Variants in SARDH observed in about 807,000 individuals in gnomAD.
SARDH encodes sarcosine dehydrogenase.
A neutral mutation model predicts 109.1 loss-of-function variants in SARDH; 95 were observed. That is an observed-to-expected ratio of 0.87 (90% CI 0.74 to 1.03). SARDH has a LOEUF of 1.03. Among genes scored for constraint, SARDH ranks in the 50% least tolerant of loss-of-function variants. The pLI is 0.00. For synonymous variants in SARDH, 572 were observed against 534.8 expected (o/e 1.07, Z -0.96); for missense variants, 1,267 against 1,287.8 (o/e 0.98, Z 0.25).
Position 133,663,805 on chromosome 9 carries a change from G to A in SARDH, c.*84C>T, listed in dbSNP as rs1189154771. The A allele has an allele frequency of 6.4e-7, 1 of 1,563,074 alleles. No individual in the cohort carries two copies. ...GACAGGGAGGGCACAAGTTCTGGCT[G>A]GGTCCAGGGTCCTGGGACCCAGGGC... On this transcript the variant is annotated 3_prime_UTR_variant, in exon 21 of 21. Coordinates refer to ENST00000439388, the MANE Select transcript of SARDH (RefSeq NM_001134707.2).
chr9:133,676,966 C>A lies in SARDH; in HGVS notation c.2164-5269G>T, dbSNP rs543083297. On this transcript the variant is annotated intron_variant, in intron 17 of 20. Coordinates refer to ENST00000439388, the MANE Select transcript of SARDH (RefSeq NM_001134707.2). Reference sequence around the variant, plus strand: ...CCAGCCTGGCCAACACAGCGAAACCCCATCTCTACTAAAAATACAAAAATT... The same window carrying A: ...CCAGCCTGGCCAACACAGCGAAACCACATCTCTACTAAAAATACAAAAATT... Among the ~76,000 whole-genome samples, 40 of 152,296 alleles carry A rather than the reference C, an allele frequency of 2.6e-4. No individual in the cohort carries two copies. The South Asian group carries it at 7.5e-3, about 28-fold the overall frequency.
chr9:133,728,490 T>A lies in SARDH; in HGVS notation c.915+1275A>T, dbSNP rs1474568452. Among the ~76,000 whole-genome samples the A allele has an allele frequency of 6.6e-6, 1 of 152,172 alleles. No individual in the cohort carries two copies. The highest frequency in any genetic ancestry group is 2.4e-5 in the African/African-American group (1 of 41,430). On this transcript the variant is annotated intron_variant, in intron 6 of 20. Coordinates refer to ENST00000439388, the MANE Select transcript of SARDH (RefSeq NM_001134707.2). The surrounding 1 kb of genome is among the most constrained non-coding windows in gnomAD (Gnocchi z 5.0). ...TGGCTCTCTGAACGGCCATGCTCTG[T>A]GCACGCTCCTTGTCCACCATGCCAC...
Position 133,704,948 on chromosome 9 carries a change from C to CGG in SARDH, c.1552_1553dup (p.Val519ArgfsTer104), listed in dbSNP as rs1564272982. ...GCACAGCCCAGCAGGCACTACTCAC[C>CGG]GGAGCTGGGCCTCGGGGATGAAACC... On this transcript the variant is annotated frameshift_variant and splice_region_variant, in exon 12 of 21. Transcript: ENST00000439388. LOFTEE classifies it high-confidence loss of function. This position sits in a 1 kb window ranked among gnomAD's most constrained non-coding sequence, Gnocchi z 4.5. The CGG allele has an allele frequency of 6.4e-7, 1 of 1,573,584 alleles. No homozygotes were observed. The highest frequency in any genetic ancestry group is 8.6e-7 in the Non-Finnish European group (1 of 1,159,924).
intron 4 of SARDH, among the ~76,000 whole-genome samples, 194 bp from the exon 5 acceptor site, chr9:133,730,381 T>C (rs1832635309): frequency 6.6e-6 from 1 of 151,742 alleles, no homozygotes; most frequent in South Asian, 2.1e-4. Flanking sequence ...TGCCTTGACT[T>C]GGAGAACTTG....
intron 19 of SARDH, among the ~76,000 whole-genome samples, chr9:133,669,885 T>C (rs1003872830): frequency 1.3e-5 from 2 of 152,228 alleles, no homozygotes; most frequent in African/African-American, 4.8e-5. Flanking sequence ...CCCAAGGCCC[T>C]CGGCCTAGAC....
intron 11 of SARDH, among the ~76,000 whole-genome samples, 172 bp downstream of exon 11, chr9:133,708,115 G>A (rs958251139): frequency 5.3e-5 from 8 of 152,120 alleles, no homozygotes; most frequent in African/African-American, 1.9e-4. Context: ...TTGGCCCTGA[G>A]CACTGTGCCC....
rs1169737769 is a variant in SARDH, at chr9:133,668,373, T to G, written c.2496-1503A>C. Among the ~76,000 whole-genome samples, 386 of 63,852 alleles carry G rather than the reference T, an allele frequency of 6.0e-3. 7 individuals are homozygous for G. The highest frequency in any genetic ancestry group is 0.021 in the Middle Eastern group (2 of 94). The allele number at this position is 63,852 out of a possible 152,430, so 41.9% of individuals were successfully genotyped here. On this transcript the variant is annotated intron_variant, in intron 19 of 20. Transcript: ENST00000439388. ...TCACCCTCCCTCTCCCTCACCCTCA[T>G]TCTCCCTCAGCCTCCCTCTCCCTCT...
In SARDH at chr9:133,686,292, G is replaced by A. The variant is rs1332024886; in HGVS notation, c.2070-1006C>T. Among the ~76,000 whole-genome samples, 3 of 152,016 alleles carry A rather than the reference G, an allele frequency of 2.0e-5. No individual in the cohort carries two copies. The highest frequency in any genetic ancestry group is 2.9e-5 in the Non-Finnish European group (2 of 67,982). On this transcript the variant is annotated intron_variant, in intron 16 of 20. Coordinates refer to ENST00000439388, the MANE Select transcript of SARDH (RefSeq NM_001134707.2). The surrounding 1 kb of genome is among the most constrained non-coding windows in gnomAD (Gnocchi z 4.0). ...GCCAACACCCATGGTCTCCCAGGAA[G>A]CCCTCACCTCCTGGGCACCGTGCCC...
At chr9:133,729,711 C>T (rs1376972354) in intron 6 of SARDH, 54 bp downstream of exon 6, 7 of 1,506,202 alleles carry the variant, frequency 4.6e-6, no homozygotes, top group South Asian at 2.3e-5. Context: ...GGATTCAGAG[C>T]CAGGTCTCTG....
At chr9:133,669,964 G>A (rs1333267739) in intron 19 of SARDH, among the ~76,000 whole-genome samples, 3 of 152,196 alleles carry the variant, frequency 2.0e-5, no homozygotes, top group African/African-American at 7.2e-5. Context: ...GAAGAGTGTG[G>A]AGCCTTCTCT....
rs150391909 is a variant in SARDH, at chr9:133,688,546, C to T, written c.2069+1834G>A. 1.2e-3 allele frequency among the ~76,000 whole-genome samples: 188 copies of T among 152,270 alleles called. 1 individual carries two copies. In the East Asian group the frequency reaches 0.032, roughly 26 times the overall value. On this transcript the variant is annotated intron_variant, in intron 16 of 20. Transcript: ENST00000439388. ...GCTGACCCAACAGCAGAGACCCCCC[C>T]ACCAAAGCCCAAGCCCGACCATGTT...
At chr9:133,679,821 T>C (rs129956) in intron 17 of SARDH, among the ~76,000 whole-genome samples, 25,064 of 152,190 alleles carry the variant, frequency 0.16, 4,227 homozygotes, top group African/African-American at 0.43. Context: ...CGTCTGGTGG[T>C]GAGGAGGGTC....
At chr9:133,660,312 A>C (rs1235156117), downstream of SARDH, among the ~76,000 whole-genome samples, 1 of 151,774 alleles carries the variant, frequency 6.6e-6, no homozygotes, top group Non-Finnish European at 1.5e-5. Context: ...CAGAGACCTA[A>C]AGTTAGGTGC....
At chr9:133,725,542 G>A in intron 6 of SARDH, 1 of 438,640 alleles carries the variant, frequency 2.3e-6, no homozygotes, top group Non-Finnish European at 4.6e-6. Context: ...CGGGTGTGGT[G>A]ACGGGCACAT....
At chr9:133,670,523 C>G in intron 19 of SARDH, 61 bp downstream of exon 19, 1 of 1,518,050 alleles carries the variant, frequency 6.6e-7, no homozygotes. Context: ...CCAAGAAGCG[C>G]CTGCCTGCCC....
At chr9:133,697,343 CCAAA>C (rs1156667126) in intron 13 of SARDH, among the ~76,000 whole-genome samples, 35 of 152,202 alleles carry the variant, frequency 2.3e-4, no homozygotes, top group African/African-American at 8.2e-4. Flanking sequence ...ATGAATTTTA[CCAAA>C]CAGTCAAAGA....
At chr9:133,671,018 C>T (rs2131332876) in intron 18 of SARDH, among the ~76,000 whole-genome samples, 1 of 152,268 alleles carries the variant, frequency 6.6e-6, no homozygotes, top group African/African-American at 2.4e-5. Flanking sequence ...GAAGGGGGAG[C>T]TTCCCAATGC....
At position 133,686,677 on chromosome 9, in the gene SARDH, C is replaced by T. The variant is rs563698611; in HGVS notation, c.2070-1391G>A. On this transcript the variant is annotated intron_variant, in intron 16 of 20. Transcript: ENST00000439388. The surrounding 1 kb of genome is among the most constrained non-coding windows in gnomAD (Gnocchi z 4.0). The stretch of plus-strand genomic sequence containing the variant: ...CCCCCATTGCTAGGAGACGCCCCCC[C>T]ACTTCTGTCCCTCTGGGATCCCAGC... Among the ~76,000 whole-genome samples, 24 of 152,136 alleles carry T rather than the reference C, an allele frequency of 1.6e-4. No homozygotes were observed. The highest frequency in any genetic ancestry group is 4.8e-4 in the African/African-American group (20 of 41,422).
In SARDH at chr9:133,686,648, G is replaced by A. The variant is rs1278065137; in HGVS notation, c.2070-1362C>T. Among the ~76,000 whole-genome samples the A allele has an allele frequency of 6.6e-6, 1 of 152,150 alleles. No homozygotes were observed. The highest frequency in any genetic ancestry group is 1.5e-5 in the Non-Finnish European group (1 of 68,030). Reference sequence around the variant, plus strand: ...ACACCCTGGCTTGGCACAGCAGGGTGAGGCCCCCATTGCTAGGAGACGCCC... The same window carrying A: ...ACACCCTGGCTTGGCACAGCAGGGTAAGGCCCCCATTGCTAGGAGACGCCC... On this transcript the variant is annotated intron_variant, in intron 16 of 20. Transcript: ENST00000439388. The surrounding 1 kb of genome is among the most constrained non-coding windows in gnomAD (Gnocchi z 4.0).
Sources: allele counts gnomAD v4.1 joint callset (sites outside exome capture counted in the v4.1 genomes callset), GRCh38; gene constraint gnomAD v4.1.1; non-coding constraint Gnocchi (gnomAD v3.1); transcripts MANE v1.5; gene names NCBI Gene and HGNC (gene_info 2026-07-23, HGNC 2026-07-21).